RORA: variants seen among roughly 807,000 people sequenced by gnomAD.
RORA encodes the protein nuclear receptor ROR-alpha.
Under a neutral mutation model 69.5 loss-of-function variants are expected in RORA, and 7 were observed. That is an observed-to-expected ratio of 0.10 (90% CI 0.06 to 0.19). RORA has a LOEUF of 0.19. Among genes scored for constraint, RORA ranks in the 10% least tolerant of loss-of-function variants. The pLI, the probability that RORA is intolerant of heterozygous loss-of-function variation, is 1.00. For missense variants in RORA, 457 were observed against 663.0 expected (o/e 0.69, Z 3.41); for synonymous variants, 261 against 240.8 (o/e 1.08, Z -0.78).
chr15:60,817,687 G>A (rs1453628111), intron 1 of RORA, among the ~76,000 whole-genome samples: 2 of 152,280 alleles, frequency 1.3e-5, no homozygotes, highest in Non-Finnish European at 2.9e-5. Flanking sequence ...TAGTTCCCAG[G>A]TACACGTTAC....
intron 2 of RORA, among the ~76,000 whole-genome samples, chr15:60,655,552 A>G (rs982577324): frequency 2.6e-5 from 4 of 152,180 alleles, no homozygotes; most frequent in Non-Finnish European, 4.4e-5. Context: ...ACCTTGAGGA[A>G]TGTTTGGTAT....
intron 2 of RORA, among the ~76,000 whole-genome samples, chr15:60,643,512 A>G (rs2069982376): frequency 6.6e-6 from 1 of 152,222 alleles, no homozygotes; most frequent in Non-Finnish European, 1.5e-5. Flanking sequence ...GTTTGAGGAT[A>G]GAAGATAAGA....
chr15:60,876,919 C>T (rs1358497915), intron 1 of RORA, among the ~76,000 whole-genome samples: 6 of 152,028 alleles, frequency 3.9e-5, no homozygotes, highest in South Asian at 2.1e-4. Context: ...CACATGGACA[C>T]GTAGACGGGA....
chr15:60,919,321 G>C (rs72752746), intron 1 of RORA, among the ~76,000 whole-genome samples: 9,688 of 152,256 alleles, frequency 0.064, 442 homozygotes, highest in South Asian at 0.14. Context: ...GTTTAATAGA[G>C]GAGAAGCCCA....
At chr15:61,094,520 G>A (rs1190203094) in intron 1 of RORA, among the ~76,000 whole-genome samples, 1 of 152,130 alleles carries the variant, frequency 6.6e-6, no homozygotes. Flanking sequence ...ACACACCATG[G>A]GAAAGAGTTT....
chr15:60,753,224 A>G (rs1265440709), intron 1 of RORA, among the ~76,000 whole-genome samples: 3 of 152,216 alleles, frequency 2.0e-5, no homozygotes, highest in African/African-American at 7.2e-5. Context: ...TCTGACACGA[A>G]CCTTCAACAG....
chr15:60,668,707 C>CA (rs1264313304), intron 2 of RORA, among the ~76,000 whole-genome samples: 2 of 151,984 alleles, frequency 1.3e-5, no homozygotes, highest in African/African-American at 4.8e-5. Context: ...TTTGTCGACA[C>CA]AAAAAGACAT....
chr15:60,840,586 G>A (rs1248771080), intron 1 of RORA, among the ~76,000 whole-genome samples: 1 of 152,234 alleles, frequency 6.6e-6, no homozygotes, highest in Non-Finnish European at 1.5e-5. Context: ...AAAGAATCAA[G>A]AGAGTGAGAT....
intron 1 of RORA, among the ~76,000 whole-genome samples, chr15:60,711,293 C>T (rs2071140953): frequency 6.6e-6 from 1 of 152,188 alleles, no homozygotes; most frequent in African/African-American, 2.4e-5. Flanking sequence ...TCTGCAGGCC[C>T]AGGCCTACAT....
chr15:60,934,809 G>GCTCT (rs1480473376), intron 1 of RORA, among the ~76,000 whole-genome samples: 7 of 152,180 alleles, frequency 4.6e-5, no homozygotes, highest in African/African-American at 1.7e-4. Context: ...CTGCCTCCAG[G>GCTCT]CTCTGCTCCA....
chr15:60,587,140 C>T (rs1029571890), intron 2 of RORA, among the ~76,000 whole-genome samples: 1 of 152,140 alleles, frequency 6.6e-6, no homozygotes, highest in Admixed American at 6.5e-5. Flanking sequence ...CGATTGGTTA[C>T]ACAGGTTAGC....
intron 1 of RORA, among the ~76,000 whole-genome samples, chr15:61,097,681 T>G (rs2078811348): frequency 1.3e-5 from 2 of 152,220 alleles, no homozygotes; most frequent in Admixed American, 1.3e-4. Context: ...TCTTCTTGGA[T>G]AATTTCTCTG....
At position 60,646,815 on chromosome 15, in the gene RORA, G is replaced by A. The variant is rs757584337; in HGVS notation, c.196+31842C>T. ...TCACCCTGCCCAGCCTGTCTGGCTC[G>A]TATGCTTGGGCAAGTCACATAGCTC... On this transcript the variant is annotated intron_variant, in intron 2 of 10. Coordinates refer to ENST00000335670, the MANE Select transcript of RORA (RefSeq NM_134261.3). 1.1e-4 allele frequency among the ~76,000 whole-genome samples: 16 copies of A among 152,318 alleles called. No homozygotes were observed. The East Asian group carries it at 1.3e-3, about 13-fold the overall frequency.
At chr15:60,721,158 G>A (rs1173460483) in intron 1 of RORA, among the ~76,000 whole-genome samples, 2 of 152,218 alleles carry the variant, frequency 1.3e-5, no homozygotes, top group Non-Finnish European at 2.9e-5. Context: ...GCAGAAGAGA[G>A]AAACAGAGGC....
intron 1 of RORA, among the ~76,000 whole-genome samples, chr15:61,164,877 C>A (rs1216227343): frequency 6.6e-6 from 1 of 152,116 alleles, no homozygotes; most frequent in Non-Finnish European, 1.5e-5. Flanking sequence ...CCAAGAAGCA[C>A]CACAAAATTG....
intron 1 of RORA, among the ~76,000 whole-genome samples, chr15:60,992,261 A>G (rs1894403613): frequency 6.6e-6 from 1 of 152,220 alleles, no homozygotes; most frequent in Admixed American, 6.5e-5. Context: ...AACAATTTCA[A>G]CTAGTTGCCA....
intron 2 of RORA, among the ~76,000 whole-genome samples, chr15:60,665,415 G>T (rs1239934342): frequency 6.6e-6 from 1 of 152,166 alleles, no homozygotes; most frequent in East Asian, 1.9e-4. Flanking sequence ...AACAAATGGT[G>T]TTCAAGAGGT....
intron 1 of RORA, among the ~76,000 whole-genome samples, chr15:60,986,623 G>C (rs1296982403): frequency 2.6e-5 from 4 of 152,174 alleles, no homozygotes; most frequent in African/African-American, 4.8e-5. Context: ...CAGGGTGAAG[G>C]CTTTCTTTCA....
At chr15:61,010,145 A>G (rs1895042142) in intron 1 of RORA, among the ~76,000 whole-genome samples, 1 of 152,246 alleles carries the variant, frequency 6.6e-6, no homozygotes, top group African/African-American at 2.4e-5. Flanking sequence ...ATGGTGAGTT[A>G]AAAAGAAAGA....
Sources: allele counts gnomAD v4.1 joint callset (sites outside exome capture counted in the v4.1 genomes callset), GRCh38; gene constraint gnomAD v4.1.1; transcripts MANE v1.5; gene names NCBI Gene and HGNC (gene_info 2026-07-23, HGNC 2026-07-21).